Variants in CTNND2 observed in about 807,000 individuals in gnomAD.
CTNND2 encodes catenin delta-2.
CTNND2 carries 22 observed loss-of-function variants against 144.4 expected under a neutral mutation model. The observed-to-expected ratio is 0.15, with a 90% CI of 0.11 to 0.22. The LOEUF is 0.22. Among genes scored for constraint, CTNND2 ranks in the 10% least tolerant of loss-of-function variants. The pLI is 1.00. For synonymous variants in CTNND2, 751 were observed against 695.6 expected, an observed-to-expected ratio of 1.08 and a Z score of -1.25; for missense variants, 1,353 against 1,618.8, an observed-to-expected ratio of 0.84 and a Z score of 2.82.
intron 11 of CTNND2, among the ~76,000 whole-genome samples, chr5:11,163,001 G>A (rs372213704): frequency 2.6e-5 from 4 of 151,914 alleles, no homozygotes; most frequent in African/African-American, 9.7e-5. Flanking sequence ...CTGAACAAAT[G>A]GAAAATAAAT....
intron 16 of CTNND2, among the ~76,000 whole-genome samples, chr5:11,033,235 A>G (rs946497823): frequency 1.3e-5 from 2 of 152,204 alleles, no homozygotes; most frequent in Non-Finnish European, 2.9e-5. Flanking sequence ...TGGACTTGAC[A>G]AGGATTACAA....
At chr5:11,164,371 A>C (rs1759092706) in intron 11 of CTNND2, among the ~76,000 whole-genome samples, 1 of 152,206 alleles carries the variant, frequency 6.6e-6, no homozygotes, top group African/African-American at 2.4e-5. Context: ...TTATGCTTAA[A>C]ATAAAATTAA....
chr5:11,203,534 C>A (rs1737719886), intron 10 of CTNND2, among the ~76,000 whole-genome samples: 1 of 152,180 alleles, frequency 6.6e-6, no homozygotes, highest in Admixed American at 6.5e-5. Context: ...CCTCCGCCTC[C>A]AGGGTTCAAG....
In CTNND2 at chr5:11,691,104, G is replaced by A. The variant is rs532683773; in HGVS notation, c.174+41032C>T. ...AAAGAAATAATGGCCGGGCGCGGTG[G>A]CTCACACCTGTAATCCCAGCACTTC... On this transcript the variant is annotated intron_variant, in intron 2 of 21. Transcript: ENST00000304623. Among the ~76,000 whole-genome samples, 102 of 152,306 alleles carry A rather than the reference G, an allele frequency of 6.7e-4. 1 individual carries two copies. The highest frequency in any genetic ancestry group is 1.3e-3 in the Non-Finnish European group (89 of 68,032).
chr5:11,164,686 G>C (rs1409366537), intron 11 of CTNND2, among the ~76,000 whole-genome samples: 1 of 152,112 alleles, frequency 6.6e-6, no homozygotes, highest in Admixed American at 6.5e-5. Flanking sequence ...TTGTTTCCTA[G>C]ATCTTTTCAT....
At chr5:11,880,517 C>CTACCACT (rs35964945) in intron 1 of CTNND2, among the ~76,000 whole-genome samples, 1 of 95,650 alleles carries the variant, frequency 1.0e-5, no homozygotes, top group Non-Finnish European at 2.3e-5. Flanking sequence ...CTACTACTAC[C>CTACCACT]ACTACTACTA....
At chr5:11,894,181 T>C (rs191072180) in intron 1 of CTNND2, among the ~76,000 whole-genome samples, 8 of 151,682 alleles carry the variant, frequency 5.3e-5, no homozygotes, top group Admixed American at 2.0e-4. Flanking sequence ...GCCTCACAGG[T>C]GCCAGACGCG....
chr5:11,303,985 G>A (rs764398949), intron 9 of CTNND2, among the ~76,000 whole-genome samples: 4 of 152,018 alleles, frequency 2.6e-5, no homozygotes, highest in Non-Finnish European at 4.4e-5. Flanking sequence ...AACCCCTTTC[G>A]CTTGGTTCTC....
chr5:11,497,820 A>T (rs1770126542), intron 3 of CTNND2, among the ~76,000 whole-genome samples: 1 of 151,540 alleles, frequency 6.6e-6, no homozygotes, highest in African/African-American at 2.4e-5. Flanking sequence ...GCAAATCTGT[A>T]CTCCTCCCCA....
rs77463818 is a variant in CTNND2, at chr5:11,370,173, G to GTTTT, written c.1178-5287_1178-5284dup. ...TGAAAATTCAGCTCCAACTACTTGG[G>GTTTT]TTTTTTTTTTTTTTTTACATTTCAA... On this transcript the variant is annotated intron_variant, in intron 7 of 21. Transcript: ENST00000304623. Among the ~76,000 whole-genome samples the GTTTT allele has an allele frequency of 1.1e-3, 149 of 137,454 alleles. 4 individuals carry two copies. In the South Asian group the frequency reaches 0.034, roughly 31 times the overall value. The allele number at this position is 137,454 out of a possible 152,430, so 90.2% of individuals were successfully genotyped here.
At chr5:11,703,322 T>C (rs976035070) in intron 2 of CTNND2, among the ~76,000 whole-genome samples, 3 of 152,200 alleles carry the variant, frequency 2.0e-5, no homozygotes, top group African/African-American at 4.8e-5. Context: ...GCAACCACCA[T>C]AGAGGTTTGA....
At position 11,384,603 on chromosome 5, in the gene CTNND2, G is replaced by A; in HGVS notation, c.1177+62C>T. On this transcript the variant is annotated intron_variant, in intron 7 of 21. Transcript: ENST00000304623. The surrounding 1 kb of genome is among the most constrained non-coding windows in gnomAD (Gnocchi z 5.2). ...GCTTCGCTTCTGCTCAAGCCGGGCT[G>A]CTGCTTCCGCGTCCCCGCCACGCGC... 2 of 1,490,452 alleles carry A rather than the reference G, an allele frequency of 1.3e-6. No individual in the cohort carries two copies. The highest frequency in any genetic ancestry group is 1.8e-6 in the Non-Finnish European group (2 of 1,110,946). The allele number at this position is 1,490,452 out of a possible 1,614,324, so 92.3% of individuals were successfully genotyped here. A position where few individuals can be genotyped will look rare whatever the true frequency, so the allele number is the denominator to read the frequency against.
chr5:11,490,037 T>C (rs1769242888), intron 3 of CTNND2, among the ~76,000 whole-genome samples: 2 of 152,192 alleles, frequency 1.3e-5, no homozygotes, highest in Admixed American at 1.3e-4. Flanking sequence ...TGTGAATTCA[T>C]GCTGATAGGT....
intron 14 of CTNND2, among the ~76,000 whole-genome samples, chr5:11,110,198 G>A (rs1201473078): frequency 6.6e-6 from 1 of 152,140 alleles, no homozygotes; most frequent in Non-Finnish European, 1.5e-5. Flanking sequence ...GTGAGTTGCT[G>A]CCTAGCGGCC....
intron 1 of CTNND2, among the ~76,000 whole-genome samples, chr5:11,797,319 G>C (rs1468590239): frequency 2.6e-5 from 4 of 152,182 alleles, no homozygotes; most frequent in Admixed American, 1.3e-4. Flanking sequence ...ACTTGCCTGC[G>C]TCTCACCACA....
chr5:11,357,588 T>C (rs55756643), intron 8 of CTNND2, among the ~76,000 whole-genome samples: 37,803 of 151,816 alleles, frequency 0.25, 4,807 homozygotes, highest in Non-Finnish European at 0.27. Context: ...TACGATGAGA[T>C]AGGAAAAGTG....
chr5:11,597,850 C>A (rs1005569072), intron 2 of CTNND2, among the ~76,000 whole-genome samples: 1 of 152,094 alleles, frequency 6.6e-6, no homozygotes, highest in Non-Finnish European at 1.5e-5. Context: ...GCATGAGCCA[C>A]GAAGCCTGGC....
intron 9 of CTNND2, among the ~76,000 whole-genome samples, chr5:11,305,254 T>C (rs1013375763): frequency 1.3e-5 from 2 of 152,294 alleles, no homozygotes; most frequent in African/African-American, 4.8e-5. Flanking sequence ...AGGAAGCATT[T>C]AAGTGGATTC....
intron 2 of CTNND2, among the ~76,000 whole-genome samples, chr5:11,623,221 C>T (rs1780939101): frequency 6.6e-6 from 1 of 151,944 alleles, no homozygotes. Context: ...CTTATAGGCT[C>T]GTTGATATGG....
Sources: gnomAD v4.1 joint callset for allele counts (sites outside exome capture counted in the v4.1 genomes callset) on GRCh38, gnomAD v4.1.1 for gene constraint, Gnocchi (gnomAD v3.1) non-coding constraint, MANE v1.5 for transcripts, NCBI Gene and HGNC (gene_info 2026-07-23, HGNC 2026-07-21) for gene names.